The following WHRN variants were observed in gnomAD, a reference collection of about 807,000 sequenced individuals.
WHRN encodes the protein whirlin, also known as CASK-interacting protein CIP98.
A neutral mutation model predicts 68.3 loss-of-function variants in WHRN; 41 were observed. That is an observed-to-expected ratio of 0.60 (90% CI 0.47 to 0.78). The LOEUF (loss-of-function observed/expected upper bound fraction) is 0.78. WHRN is among the 30% of genes least tolerant of loss of function. The pLI, the probability that WHRN is intolerant of heterozygous loss-of-function variation, is 0.00. For missense variants in WHRN, 1,243 were observed against 1,244.7 expected, an observed-to-expected ratio of 1.00 and a Z score of 0.02; for synonymous variants, 560 against 561.3, an observed-to-expected ratio of 1.00 and a Z score of 0.03.
intron 7 of WHRN, among the ~76,000 whole-genome samples, chr9:114,419,753 C>T (rs1836115715): frequency 6.6e-6 from 1 of 152,168 alleles, no homozygotes; most frequent in South Asian, 2.1e-4. Flanking sequence ...ACAGAAATTA[C>T]CATCCTCATT....
At chr9:114,431,595 C>T (rs529460630) in intron 3 of WHRN, among the ~76,000 whole-genome samples, 1 of 152,304 alleles carries the variant, frequency 6.6e-6, no homozygotes, top group East Asian at 1.9e-4. Flanking sequence ...TTTGTTTCCC[C>T]TTTCCCGTCA....
At chr9:114,427,198 C>T (rs1475551188) in intron 3 of WHRN, among the ~76,000 whole-genome samples, 1 of 152,194 alleles carries the variant, frequency 6.6e-6, no homozygotes, top group Non-Finnish European at 1.5e-5. Context: ...TTCGAGGCTG[C>T]TGTGAACTGT....
intron 1 of WHRN, 108 bp downstream of exon 1, chr9:114,504,076 C>G: frequency 6.6e-7 from 1 of 1,509,696 alleles, no homozygotes; most frequent in Non-Finnish European, 8.9e-7. Flanking sequence ...AAAAAAAGCC[C>G]AGAAAGGCCA....
At chr9:114,439,662 G>A (rs1270876474) in intron 3 of WHRN, among the ~76,000 whole-genome samples, 1 of 151,830 alleles carries the variant, frequency 6.6e-6, no homozygotes, top group African/African-American at 2.4e-5. Context: ...ACACATGTAT[G>A]AATATGAGTG....
At chr9:114,481,312 A>T (rs558917591) in intron 1 of WHRN, among the ~76,000 whole-genome samples, 42 of 152,358 alleles carry the variant, frequency 2.8e-4, no homozygotes, top group African/African-American at 9.6e-4. Context: ...GATAACGAGG[A>T]TGGCGTCTCT....
rs1364453293 is a variant in WHRN, at chr9:114,402,586, T to C, written c.*168A>G. ...TGACCTTCTGTCTGCCTTGTCCTGC[T>C]CTCTTCCTCTCCCAGTTCTGGTCCA... On this transcript the variant is annotated 3_prime_UTR_variant, in exon 12 of 12. Transcript: ENST00000362057. The C allele has an allele frequency of 1.2e-6, 1 of 854,326 alleles. No individual in the cohort carries two copies. The highest frequency in any genetic ancestry group is 1.5e-5 in the South Asian group (1 of 68,830). 52.9% of individuals were successfully genotyped at this position (854,326 alleles called of 1,614,324 possible).
chr9:114,460,789 C>A (rs965734981), intron 3 of WHRN, among the ~76,000 whole-genome samples: 1 of 152,244 alleles, frequency 6.6e-6, no homozygotes, highest in African/African-American at 2.4e-5. Flanking sequence ...GCAAAAGGCA[C>A]ATTTTCTCTC....
intron 7 of WHRN, among the ~76,000 whole-genome samples, chr9:114,409,378 A>G (rs1230852064): frequency 6.6e-6 from 1 of 152,210 alleles, no homozygotes; most frequent in East Asian, 1.9e-4. Flanking sequence ...GGGAGGGGTT[A>G]CCACGGAAGG....
chr9:114,475,720 C>T (rs1474274345), intron 2 of WHRN, among the ~76,000 whole-genome samples: 3 of 152,038 alleles, frequency 2.0e-5, no homozygotes, highest in African/African-American at 7.2e-5. Flanking sequence ...AGAATCAGAC[C>T]CCACCAGGCC....
At chr9:114,424,938 A>C (rs1836681276) in intron 5 of WHRN, 50 bp downstream of exon 5, 2 of 1,599,922 alleles carry the variant, frequency 1.3e-6, no homozygotes, top group South Asian at 2.2e-5. Context: ...AGACCTCCTC[A>C]CTCAGGGAGC....
chr9:114,468,095 A>G (rs1315652499), intron 2 of WHRN, among the ~76,000 whole-genome samples: 1 of 152,204 alleles, frequency 6.6e-6, no homozygotes, highest in African/African-American at 2.4e-5. Context: ...GGGAGGGCAC[A>G]GCTGTGTGAC....
At chr9:114,430,854 T>C (rs190151583) in intron 3 of WHRN, among the ~76,000 whole-genome samples, 4 of 152,322 alleles carry the variant, frequency 2.6e-5, no homozygotes, top group Admixed American at 2.6e-4. Flanking sequence ...CTCCAGAGCC[T>C]GTGTTCAAAC....
chr9:114,442,849 G>A (rs905600554), intron 3 of WHRN, among the ~76,000 whole-genome samples: 4 of 152,086 alleles, frequency 2.6e-5, no homozygotes, highest in East Asian at 1.9e-4. Context: ...ACCCAGGCTC[G>A]GATATTCCTT....
chr9:114,489,894 G>T (rs1842840882), intron 1 of WHRN, among the ~76,000 whole-genome samples: 1 of 125,936 alleles, frequency 7.9e-6, no homozygotes, highest in South Asian at 2.9e-4. Context: ...TACTGAGTTT[G>T]GTCTAAGAAC....
rs1301232723 is a variant in WHRN, at chr9:114,402,860, C to T, written c.2618G>A (p.Arg873Gln). The T allele has an allele frequency of 6.2e-6, 10 of 1,613,918 alleles. No individual in the cohort carries two copies. The highest frequency in any genetic ancestry group is 1.3e-5 in the African/African-American group (1 of 74,922). ...VILEVNGLTL[R>Q]GKEHREAARI... ...GGCGGCCTCCCGGTGCTCCTTGCCCCGAAGCGTCAGCCCATTCACTTCCAG... is the reference window on the plus strand; with the variant it reads ...GGCGGCCTCCCGGTGCTCCTTGCCCTGAAGCGTCAGCCCATTCACTTCCAG... Residue 873 changes from arginine to glutamine, a missense_variant, in exon 12 of 12, where the codon CGG (arginine) becomes CAG (glutamine). Physicochemically the swap from Arg to Gln is conservative, Grantham distance 43. Coordinates refer to ENST00000362057, the MANE Select transcript of WHRN (RefSeq NM_015404.4).
At chr9:114,439,569 T>C (rs891297153) in intron 3 of WHRN, among the ~76,000 whole-genome samples, 1 of 152,154 alleles carries the variant, frequency 6.6e-6, no homozygotes, top group Non-Finnish European at 1.5e-5. Context: ...TCAGTATGAG[T>C]GAACTTACGT....
At chr9:114,462,869 A>G (rs1294622440) in intron 3 of WHRN, among the ~76,000 whole-genome samples, 1 of 152,210 alleles carries the variant, frequency 6.6e-6, no homozygotes, top group Non-Finnish European at 1.5e-5. Flanking sequence ...TGACATAGTA[A>G]CTGCTCAATA....
At chr9:114,484,080 G>A (rs1259539029) in intron 1 of WHRN, among the ~76,000 whole-genome samples, 3 of 152,202 alleles carry the variant, frequency 2.0e-5, no homozygotes, top group Non-Finnish European at 1.5e-5. Context: ...GGGGCTCTGA[G>A]GTTCCACAGG....
chr9:114,471,741 T>C (rs1414081911), intron 2 of WHRN, among the ~76,000 whole-genome samples: 1 of 152,188 alleles, frequency 6.6e-6, no homozygotes, highest in African/African-American at 2.4e-5. Context: ...CTGGAATGCA[T>C]GTAGGTAATT....
Sources: gnomAD v4.1 joint callset for allele counts (sites outside exome capture counted in the v4.1 genomes callset) on GRCh38, gnomAD v4.1.1 for gene constraint, MANE v1.5 for transcripts, NCBI Gene and HGNC (gene_info 2026-07-23, HGNC 2026-07-21) for gene names.